PIEZO2: variants seen among roughly 807,000 people sequenced by gnomAD.
The protein encoded by PIEZO2 is piezo type mechanosensitive ion channel component 2.
In PIEZO2, 172 loss-of-function variants were observed where a neutral mutation model predicts 337.3. The ratio of observed to expected loss-of-function variants is 0.51; its 90% CI spans 0.45 to 0.58. The LOEUF (loss-of-function observed/expected upper bound fraction) is 0.58. Among genes scored for constraint, PIEZO2 ranks in the 20% least tolerant of loss-of-function variants. PIEZO2 has a pLI of 0.00. For synonymous variants in PIEZO2, 1,251 were observed against 1,228.5 expected (o/e 1.02, Z -0.38); for missense variants, 3,028 against 3,391.3 (o/e 0.89, Z 2.66).
Position 10,727,023 on chromosome 18 carries a change from C to G in PIEZO2, c.5029+4384G>C. The stretch of plus-strand genomic sequence containing the variant: ...ACATGAAGCTGTTTGCTCTGTGCTT[C>G]CACGGTCTGGGTGTTTCTTGGGGGG... On this transcript the variant is annotated intron_variant, in intron 36 of 55. Transcript: ENST00000674853. The surrounding 1 kb of genome is among the most constrained non-coding windows in gnomAD (Gnocchi z 6.3). 1.3e-6 allele frequency: 1 copy of G among 783,194 alleles called. No homozygotes were observed. Among genetic ancestry groups the G allele is most frequent in the Non-Finnish European group, 2.0e-6 (1 of 510,342 alleles). The allele number at this position is 783,194 out of a possible 1,614,324, so 48.5% of individuals were successfully genotyped here. A position where few individuals can be genotyped will look rare whatever the true frequency, so the allele number is the denominator to read the frequency against.
intron 47 of PIEZO2, among the ~76,000 whole-genome samples, chr18:10,693,209 A>ATTGAGTT (rs1338088969): frequency 6.6e-6 from 1 of 152,200 alleles, no homozygotes; most frequent in Admixed American, 6.5e-5. Flanking sequence ...TAAAAATACA[A>ATTGAGTT]TTGAGTTTTG....
In PIEZO2 at chr18:10,914,477, A is replaced by C. The variant is rs369726873; in HGVS notation, c.287-3249T>G. On this transcript the variant is annotated intron_variant, in intron 3 of 55. Transcript: ENST00000674853. ...CCTTGCAGCCCCCTGCATACTTCAA[A>C]TCATCTGTAGATTAATTATAATACC... Among the ~76,000 whole-genome samples the C allele has an allele frequency of 4.6e-5, 7 of 152,172 alleles. No homozygotes were observed. The East Asian group carries it at 1.3e-3, about 29-fold the overall frequency.
chr18:10,925,329 T>C (rs1422699727), intron 3 of PIEZO2, among the ~76,000 whole-genome samples: 1 of 152,148 alleles, frequency 6.6e-6, no homozygotes, highest in Non-Finnish European at 1.5e-5. Flanking sequence ...ATGTTGGAAA[T>C]AAAACAGACC....
intron 1 of PIEZO2, among the ~76,000 whole-genome samples, chr18:11,147,085 G>C (rs1046487568): frequency 1.3e-5 from 2 of 152,240 alleles, no homozygotes; most frequent in African/African-American, 4.8e-5. Flanking sequence ...TCCCTGAGCA[G>C]TGACACCCTC....
Position 11,009,182 on chromosome 18 carries a change from C to T in PIEZO2, c.161-29522G>A, listed in dbSNP as rs926563477. ...CTGGTAGGTTGCTCTTGCCACGTCA[C>T]TGTTATTTGCCTGGGCAGTGTATCC... On this transcript the variant is annotated intron_variant, in intron 2 of 55. Transcript: ENST00000674853. This position sits in a 1 kb window ranked among gnomAD's most constrained non-coding sequence, Gnocchi z 4.6. 1.6e-4 allele frequency among the ~76,000 whole-genome samples: 25 copies of T among 152,344 alleles called. No homozygotes were observed. Among genetic ancestry groups the T allele is most frequent in the African/African-American group, 6.0e-4 (25 of 41,576 alleles).
intron 7 of PIEZO2, among the ~76,000 whole-genome samples, chr18:10,817,207 C>G (rs551099243): frequency 3.3e-4 from 51 of 152,272 alleles, no homozygotes; most frequent in African/African-American, 1.2e-3. Flanking sequence ...CTCATCCCAG[C>G]AAATACCATT....
chr18:11,011,678 A>C (rs543643298), intron 2 of PIEZO2, among the ~76,000 whole-genome samples: 1 of 152,290 alleles, frequency 6.6e-6, no homozygotes, highest in South Asian at 2.1e-4. Context: ...AACTGCTCTA[A>C]CTTTCTAAAA....
In PIEZO2 at chr18:11,035,212, C is replaced by A. The variant is rs2036882454; in HGVS notation, c.160+30915G>T. ...TGATCCCCAATATTGGACATGGGGC[C>A]TGGTGGGAGGTGTTTGGTCCCAGCA... On this transcript the variant is annotated intron_variant, in intron 2 of 55. Transcript: ENST00000674853. The surrounding 1 kb of genome is among the most constrained non-coding windows in gnomAD (Gnocchi z 4.3). Among the ~76,000 whole-genome samples, 1 of 152,190 alleles carries A rather than the reference C, an allele frequency of 6.6e-6. No homozygotes were observed. Among genetic ancestry groups the A allele is most frequent in the South Asian group, 2.1e-4 (1 of 4,822 alleles).
chr18:11,017,591 C>T (rs1568299246), intron 2 of PIEZO2, among the ~76,000 whole-genome samples: 1 of 151,480 alleles, frequency 6.6e-6, no homozygotes, highest in African/African-American at 2.4e-5. Context: ...AAATTTCATA[C>T]CCATTTATTT....
chr18:10,799,179 AC>A (rs2144254177), intron 11 of PIEZO2, among the ~76,000 whole-genome samples: 1 of 152,320 alleles, frequency 6.6e-6, no homozygotes, highest in African/African-American at 2.4e-5. Context: ...TGTGTGATGT[AC>A]CACAGATGCA....
At chr18:10,785,460 T>C (rs2039185833) in intron 16 of PIEZO2, among the ~76,000 whole-genome samples, 1 of 152,198 alleles carries the variant, frequency 6.6e-6, no homozygotes, top group Non-Finnish European at 1.5e-5. Flanking sequence ...CGTGCCCAAA[T>C]TGCTACTGGA....
rs1193485012 is a variant in PIEZO2, at chr18:10,813,109, A to G, written c.918-5835T>C. Among the ~76,000 whole-genome samples the G allele has an allele frequency of 2.0e-5, 3 of 151,502 alleles. No individual in the cohort carries two copies. The highest frequency in any genetic ancestry group is 1.5e-5 in the Non-Finnish European group (1 of 67,964). On this transcript the variant is annotated intron_variant, in intron 7 of 55. Transcript: ENST00000674853. This position sits in a 1 kb window ranked among gnomAD's most constrained non-coding sequence, Gnocchi z 4.2. ...ATTCTCCTGCCTCAGCCTCCGGAGT[A>G]TCTAGGATTACAGGCACGCGCCACC... is the stretch of plus-strand genomic sequence containing the variant.
chr18:10,999,101 T>C (rs1160617230), intron 2 of PIEZO2, among the ~76,000 whole-genome samples: 1 of 151,708 alleles, frequency 6.6e-6, no homozygotes, highest in African/African-American at 2.4e-5. Context: ...TTTGAAATTT[T>C]CCACTTAAGA....
At position 10,697,769 on chromosome 18, in the gene PIEZO2, G is replaced by A; in HGVS notation, c.6806C>T (p.Ala2269Val). 1.2e-6 allele frequency: 2 copies of A among 1,614,122 alleles called. No homozygotes were observed. The highest frequency in any genetic ancestry group is 1.3e-5 in the African/African-American group (1 of 75,038). ...MEKLQEHLIK[A>V]KAFTIKKTLE... is the part of the protein sequence containing the mutation. ...TCACTTCTTTATGGTAAAGGCTTTT[G>A]CTTTGATTAAATGTTCTTGAAGCTT... Residue 2269 changes from alanine (A) to valine (V), a missense_variant, in exon 45 of 56, where the codon GCA (alanine) becomes GTA (valine). By Grantham distance (64) the Ala-to-Val change is moderately conservative (BLOSUM62 0). This residue lies in a region of PIEZO2 where 1,925 missense variants were observed against 2,051.9 expected (regional missense o/e 0.94). Coordinates refer to ENST00000674853, the MANE Select transcript of PIEZO2 (RefSeq NM_001378183.1).
chr18:10,883,511 A>G (rs1170253697), intron 4 of PIEZO2, among the ~76,000 whole-genome samples: 1 of 152,242 alleles, frequency 6.6e-6, no homozygotes, highest in Non-Finnish European at 1.5e-5. Flanking sequence ...TACGTTAGAT[A>G]TACATATATA....
At chr18:10,889,873 C>T (rs1448446853) in intron 4 of PIEZO2, among the ~76,000 whole-genome samples, 1 of 152,186 alleles carries the variant, frequency 6.6e-6, no homozygotes, top group Non-Finnish European at 1.5e-5. Flanking sequence ...GAAAGAGCTC[C>T]CAAGGACCTT....
chr18:10,952,061 A>G lies in PIEZO2; in HGVS notation c.286+27474T>C, dbSNP rs2033318365. Reference sequence around the variant, plus strand: ...TCCACAATAGCTCTTGGGGAAAGTCATCATGATCTTGAGAACCTGTGGCTG... The same window carrying G: ...TCCACAATAGCTCTTGGGGAAAGTCGTCATGATCTTGAGAACCTGTGGCTG... On this transcript the variant is annotated intron_variant, in intron 3 of 55. Coordinates refer to ENST00000674853, the MANE Select transcript of PIEZO2 (RefSeq NM_001378183.1). The surrounding 1 kb of genome is among the most constrained non-coding windows in gnomAD (Gnocchi z 4.1). 6.6e-6 allele frequency among the ~76,000 whole-genome samples: 1 copy of G among 152,170 alleles called. No homozygotes were observed. Among genetic ancestry groups the G allele is most frequent in the Non-Finnish European group, 1.5e-5 (1 of 68,032 alleles).
intron 2 of PIEZO2, among the ~76,000 whole-genome samples, chr18:11,007,609 T>C (rs1030763733): frequency 6.6e-6 from 1 of 152,100 alleles, no homozygotes; most frequent in African/African-American, 2.4e-5. Context: ...AGAAAATTTT[T>C]AAAGAAGCCA....
At chr18:10,901,430 G>A (rs57284240) in intron 4 of PIEZO2, among the ~76,000 whole-genome samples, 68 of 147,984 alleles carry the variant, frequency 4.6e-4, no homozygotes, top group East Asian at 2.6e-3. Flanking sequence ...ACACACACAC[G>A]CACACACACA....
Sources: gnomAD v4.1 joint callset for allele counts (sites outside exome capture counted in the v4.1 genomes callset) on GRCh38, gnomAD v4.1.1 for gene constraint, gnomAD v4.1.1 regional missense constraint, Gnocchi (gnomAD v3.1) non-coding constraint, MANE v1.5 for transcripts, NCBI Gene and HGNC (gene_info 2026-07-23, HGNC 2026-07-21) for gene names.